The following RPSA2 variants were observed in gnomAD, a reference collection of about 807,000 sequenced individuals.
The protein encoded by RPSA2 is ribosomal protein SA 2.
chr19:23,791,523 T>G, the RPSA2 span, among the ~76,000 whole-genome samples: 3 of 152,144 alleles, frequency 2.0e-5, no homozygotes, highest in East Asian at 5.8e-4. Context: ...ACTCCAATGG[T>G]GACGGATTTT....
At chr19:23,760,830 A>C in the RPSA2 span, among the ~76,000 whole-genome samples, 3 of 151,054 alleles carry the variant, frequency 2.0e-5, no homozygotes, top group Non-Finnish European at 4.4e-5. Flanking sequence ...ACACTGGGCT[A>C]ATTTTTGTAT....
chr19:23,791,971 C>T, the RPSA2 span, among the ~76,000 whole-genome samples: 3 of 152,252 alleles, frequency 2.0e-5, no homozygotes, highest in East Asian at 1.9e-4. Context: ...ATCCACCCAC[C>T]TTGGCCTTCC....
At chr19:23,825,884 C>A in the RPSA2 span, among the ~76,000 whole-genome samples, 1 of 152,186 alleles carries the variant, frequency 6.6e-6, no homozygotes, top group South Asian at 2.1e-4. Context: ...CCACCATGCT[C>A]AGCCCATAAA....
the RPSA2 span, among the ~76,000 whole-genome samples, chr19:23,792,825 G>T: frequency 6.6e-6 from 1 of 152,134 alleles, no homozygotes; most frequent in East Asian, 1.9e-4. Context: ...GAGTTTTAAA[G>T]ATTGCAAAGA....
chr19:23,765,933 G>T, the RPSA2 span, among the ~76,000 whole-genome samples: 4 of 150,862 alleles, frequency 2.7e-5, no homozygotes, highest in East Asian at 7.8e-4. Context: ...GCATGGATAG[G>T]TGTGTAAAAA....
the RPSA2 span, among the ~76,000 whole-genome samples, chr19:23,869,509 G>T: frequency 1.3e-5 from 2 of 152,154 alleles, no homozygotes; most frequent in African/African-American, 4.8e-5. Flanking sequence ...GGGTAGAAAA[G>T]AATCTGTGTT....
chr19:23,848,769 A>T, the RPSA2 span, among the ~76,000 whole-genome samples: 1 of 152,194 alleles, frequency 6.6e-6, no homozygotes, highest in South Asian at 2.1e-4. Context: ...TCATTTGGTG[A>T]ACTAATTTTT....
At chr19:23,763,955 A>G in the RPSA2 span, among the ~76,000 whole-genome samples, 1 of 152,138 alleles carries the variant, frequency 6.6e-6, no homozygotes, top group African/African-American at 2.4e-5. Flanking sequence ...TTATGTAGTC[A>G]CCTTATTTGT....
chr19:23,866,409 A>C, the RPSA2 span, among the ~76,000 whole-genome samples: 4 of 152,208 alleles, frequency 2.6e-5, no homozygotes, highest in Non-Finnish European at 5.9e-5. Context: ...GGAGCCAAGG[A>C]TCAAACCCTA....
At chr19:23,821,124 G>C in the RPSA2 span, among the ~76,000 whole-genome samples, 8 of 152,284 alleles carry the variant, frequency 5.3e-5, no homozygotes, top group South Asian at 4.1e-4. Context: ...ACTCATTATT[G>C]GATTTGATAA....
At chr19:23,825,193 T>C in the RPSA2 span, among the ~76,000 whole-genome samples, 24 of 152,160 alleles carry the variant, frequency 1.6e-4, no homozygotes, top group African/African-American at 4.8e-4. Flanking sequence ...TTAGCCAGGA[T>C]GGGCTTGATC....
At chr19:23,859,817 C>T in the RPSA2 span, among the ~76,000 whole-genome samples, 4 of 152,188 alleles carry the variant, frequency 2.6e-5, no homozygotes, top group South Asian at 8.3e-4. Flanking sequence ...AAAGGAGTCC[C>T]TGCTTTGTAA....
chr19:23,834,328 T>A, the RPSA2 span, among the ~76,000 whole-genome samples: 1 of 148,794 alleles, frequency 6.7e-6, no homozygotes, highest in East Asian at 2.0e-4. Flanking sequence ...CTCTTCCATA[T>A]TCCTGGTTTA....
At chr19:23,841,683 G>T in the RPSA2 span, among the ~76,000 whole-genome samples, 23 of 152,246 alleles carry the variant, frequency 1.5e-4, no homozygotes, top group East Asian at 4.3e-3. Context: ...TTATTCTCTA[G>T]GCATAAGCCT....
chr19:23,814,159 C>A, the RPSA2 span, among the ~76,000 whole-genome samples: 1 of 150,020 alleles, frequency 6.7e-6, no homozygotes. Flanking sequence ...TTGCAGCAAG[C>A]TGAGACCATG....
chr19:23,830,578 T>C, the RPSA2 span, among the ~76,000 whole-genome samples: 2 of 3,194 alleles, frequency 6.3e-4, no homozygotes, highest in Non-Finnish European at 4.4e-3. Flanking sequence ...TTTTACATCA[T>C]ATTTTCTTTT....
At chr19:23,787,388 G>A in the RPSA2 span, among the ~76,000 whole-genome samples, 2 of 151,858 alleles carry the variant, frequency 1.3e-5, no homozygotes, top group Admixed American at 6.6e-5. Flanking sequence ...GGATCACAAG[G>A]TCAGGAGTAC....
chr19:23,852,246 A>G, the RPSA2 span, among the ~76,000 whole-genome samples: 1 of 152,186 alleles, frequency 6.6e-6, no homozygotes, highest in Non-Finnish European at 1.5e-5. Context: ...GTTAGCACAT[A>G]TGTTGGAATG....
chr19:23,819,702 T>A, the RPSA2 span, among the ~76,000 whole-genome samples: 61 of 152,192 alleles, frequency 4.0e-4, no homozygotes, highest in African/African-American at 1.4e-3. Flanking sequence ...CCGAACAAGA[T>A]CTCATAGGTG....
Sources: allele counts gnomAD v4.1 joint callset (sites outside exome capture counted in the v4.1 genomes callset), GRCh38; gene constraint gnomAD v4.1.1; transcripts MANE v1.5; gene names NCBI Gene and HGNC (gene_info 2026-07-23, HGNC 2026-07-21).